The following POLE4 variants were observed in gnomAD, a reference collection of about 807,000 sequenced individuals.
POLE4 encodes DNA polymerase epsilon subunit 4.
POLE4 carries 15 observed loss-of-function variants against 15.6 expected under a neutral mutation model. That is an observed-to-expected ratio of 0.96 (90% CI 0.64 to 1.48). The LOEUF (loss-of-function observed/expected upper bound fraction) is 1.48, where lower values mean the gene tolerates loss of function less well. Among genes scored for constraint, POLE4 ranks in the 40% most tolerant of loss-of-function variants. The probability of loss-of-function intolerance (pLI) is 0.00; values close to 1 mark genes in which losing one functional copy is unlikely to be tolerated. For missense variants in POLE4, 205 were observed against 151.9 expected (o/e 1.35, Z -1.84); for synonymous variants, 83 against 63.2 (o/e 1.31, Z -1.49).
intron 3 of POLE4, chr2:74,961,159 C>T (rs1158929485): frequency 6.6e-6 from 1 of 152,376 alleles, no homozygotes; most frequent in Non-Finnish European, 1.5e-5. Flanking sequence ...AGCCATGTAT[C>T]CTTATTCTCC....
chr2:74,968,977 C>CT (rs1319404596), intron 3 of POLE4, among the ~76,000 whole-genome samples: 1 of 152,004 alleles, frequency 6.6e-6, no homozygotes, highest in Non-Finnish European at 1.5e-5. Context: ...ACTTTTTAAA[C>CT]TTTTTTACCT....
At chr2:74,962,623 C>T (rs116440166) in intron 3 of POLE4, among the ~76,000 whole-genome samples, 136 of 152,112 alleles carry the variant, frequency 8.9e-4, no homozygotes, top group African/African-American at 3.0e-3. Context: ...TGAAATACAA[C>T]GTATGTAAAG....
chr2:74,960,096 G>T lies in POLE4; in HGVS notation c.299-9G>T, dbSNP rs776068883. The stretch of plus-strand genomic sequence containing the variant: ...AGTTAGTCAGGTGTCTCTTTTCCTT[G>T]TGTTTCAGATAATGCAATAGAAGCT... On this transcript the variant is annotated splice_polypyrimidine_tract_variant and intron_variant, in intron 2 of 3. Transcript: ENST00000483063. The T allele has an allele frequency of 6.2e-7, 1 of 1,613,210 alleles. No individual in the cohort carries two copies. Among genetic ancestry groups the T allele is most frequent in the Non-Finnish European group, 8.5e-7 (1 of 1,179,366 alleles).
At chr2:74,959,588 C>T (rs1370462507) in intron 2 of POLE4, 163 bp downstream of exon 2, 1 of 576,620 alleles carries the variant, frequency 1.7e-6, no homozygotes, top group East Asian at 3.0e-5. Context: ...CCTGTAGAGG[C>T]TGTCTGCTTG....
chr2:74,959,484 T>C, intron 2 of POLE4, 59 bp downstream of exon 2: 1 of 1,121,480 alleles, frequency 8.9e-7, no homozygotes, highest in South Asian at 1.3e-5. Context: ...GGTTTCCCCT[T>C]GTGCAGGTTG....
At chr2:74,962,702 A>T (rs1177022846) in intron 3 of POLE4, among the ~76,000 whole-genome samples, 1 of 152,198 alleles carries the variant, frequency 6.6e-6, no homozygotes, top group African/African-American at 2.4e-5. Flanking sequence ...CTTGGCCAAG[A>T]GATAGGGTAT....
At chr2:74,967,423 T>C (rs1276889287) in intron 3 of POLE4, among the ~76,000 whole-genome samples, 2 of 152,064 alleles carry the variant, frequency 1.3e-5, no homozygotes, top group African/African-American at 4.8e-5. Context: ...TAATAAAGTA[T>C]CAAGCAATTT....
At chr2:74,958,952 C>T in intron 1 of POLE4, 60 bp downstream of exon 1, 3 of 1,443,276 alleles carry the variant, frequency 2.1e-6, no homozygotes, top group South Asian at 1.3e-5. Context: ...GGCGGGGCCT[C>T]GGGGCCTCCC....
intron 3 of POLE4, among the ~76,000 whole-genome samples, chr2:74,967,937 T>C (rs1671318726): frequency 1.3e-5 from 2 of 152,188 alleles, no homozygotes; most frequent in Non-Finnish European, 2.9e-5. Context: ...GGGGCAGCCT[T>C]TTGGGCTCTA....
chr2:74,966,662 C>T (rs144641291), intron 3 of POLE4, among the ~76,000 whole-genome samples: 2,145 of 152,304 alleles, frequency 0.014, 23 homozygotes, highest in Middle Eastern at 0.027. Context: ...GCCTTGGCCT[C>T]CCAAGTGCTG....
chr2:74,958,694 G>T lies in POLE4; in HGVS notation c.15G>T (p.Ala5=). 4.8e-6 allele frequency: 7 copies of T among 1,470,332 alleles called. No homozygotes were observed. The highest frequency in any genetic ancestry group is 6.3e-6 in the Non-Finnish European group (7 of 1,116,410). The allele number at this position is 1,470,332 out of a possible 1,614,324, so 91.1% of individuals were successfully genotyped here. A position where few individuals can be genotyped will look rare whatever the true frequency, so the allele number is the denominator to read the frequency against. The change falls in exon 1 of 4, where the codon GCG becomes GCT. Residue 5 remains alanine (A), a synonymous_variant. Coordinates refer to ENST00000483063, the MANE Select transcript of POLE4 (RefSeq NM_019896.4). ...TCAAGGCCGGGATGGCGGCGGCGGC[G>T]GCGGCAGGAAGCGGGACGCCCCGAG... MAAA[A]AAGSGTPREE... is the part of the protein sequence containing the mutation.
At chr2:74,969,329 T>TG in intron 3 of POLE4, 80 bp from the exon 4 acceptor site, 1 of 1,296,282 alleles carries the variant, frequency 7.7e-7, no homozygotes, top group Non-Finnish European at 1.1e-6. Context: ...GAGCCTCTTC[T>TG]GCATTAAGTT....
Position 74,959,240 on chromosome 2 carries a change from G to C in POLE4, c.214-101G>C, listed in dbSNP as rs956657784. 9 of 708,740 alleles carry C rather than the reference G, an allele frequency of 1.3e-5. 1 individual carries two copies. The highest frequency in any genetic ancestry group is 2.0e-5 in the Non-Finnish European group (8 of 403,180). The allele number at this position is 708,740 out of a possible 1,614,324, so 43.9% of individuals were successfully genotyped here. Reference sequence around the variant, plus strand: ...AGCTTCCAGAACATTTTCTTGCCCCGAGCCTTTCTTCTCCCTTTCTGCCCC... The same window carrying C: ...AGCTTCCAGAACATTTTCTTGCCCCCAGCCTTTCTTCTCCCTTTCTGCCCC... On this transcript the variant is annotated intron_variant, in intron 1 of 3. Transcript: ENST00000483063.
chr2:74,964,255 C>A (rs1224525125), intron 3 of POLE4, among the ~76,000 whole-genome samples: 1 of 152,150 alleles, frequency 6.6e-6, no homozygotes, highest in Non-Finnish European at 1.5e-5. Flanking sequence ...GTTATGGTAG[C>A]TTTATCTGAG....
intron 3 of POLE4, among the ~76,000 whole-genome samples, chr2:74,963,677 A>G (rs1172016994): frequency 1.3e-5 from 2 of 151,732 alleles, no homozygotes; most frequent in Non-Finnish European, 2.9e-5. Flanking sequence ...TTTGGTAGAG[A>G]TGGGGTTTCA....
At chr2:74,968,977 CT>C (rs1319404596) in intron 3 of POLE4, among the ~76,000 whole-genome samples, 2 of 152,004 alleles carry the variant, frequency 1.3e-5, no homozygotes, top group Admixed American at 6.6e-5. Context: ...ACTTTTTAAA[CT>C]TTTTTACCTT....
At chr2:74,966,935 A>G (rs542154846) in intron 3 of POLE4, among the ~76,000 whole-genome samples, 8 of 150,974 alleles carry the variant, frequency 5.3e-5, no homozygotes, top group African/African-American at 1.2e-4. Context: ...TTTGGCTTCT[A>G]TGTTTTCTAT....
chr2:74,967,716 G>C (rs1048856574), intron 3 of POLE4, among the ~76,000 whole-genome samples: 6 of 152,200 alleles, frequency 3.9e-5, no homozygotes, highest in African/African-American at 7.2e-5. Flanking sequence ...TCTTTAAAAA[G>C]TATTTGTTAG....
chr2:74,963,614 C>T (rs1363376149), intron 3 of POLE4, among the ~76,000 whole-genome samples: 2 of 152,010 alleles, frequency 1.3e-5, no homozygotes, highest in Middle Eastern at 3.4e-3. Flanking sequence ...GAGATTCTCA[C>T]GTAACTGGGA....
Sources: gnomAD v4.1 joint callset for allele counts (sites outside exome capture counted in the v4.1 genomes callset) on GRCh38, gnomAD v4.1.1 for gene constraint, MANE v1.5 for transcripts, NCBI Gene and HGNC (gene_info 2026-07-23, HGNC 2026-07-21) for gene names.